The following PEX14 variants were observed in gnomAD, a reference collection of about 807,000 sequenced individuals.
PEX14 encodes the protein peroxisomal membrane protein PEX14.
Under a neutral mutation model 49.5 loss-of-function variants are expected in PEX14, and 15 were observed. That is an observed-to-expected ratio of 0.30 (90% CI 0.20 to 0.47). PEX14 has a LOEUF of 0.47. PEX14 is among the 20% of genes least tolerant of loss of function. PEX14 has a pLI of 1.00. For synonymous variants in PEX14, 210 were observed against 212.7 expected, an observed-to-expected ratio of 0.99 and a Z score of 0.11; for missense variants, 398 against 494.8, an observed-to-expected ratio of 0.80 and a Z score of 1.86.
At chr1:10,563,923 A>AC (rs1404395623) in intron 3 of PEX14, among the ~76,000 whole-genome samples, 1 of 151,728 alleles carries the variant, frequency 6.6e-6, no homozygotes, top group Non-Finnish European at 1.5e-5. Context: ...AAAAGAAAAA[A>AC]AAAAAGTTAT....
chr1:10,496,245 T>C (rs1641558237), intron 2 of PEX14, among the ~76,000 whole-genome samples: 1 of 152,224 alleles, frequency 6.6e-6, no homozygotes, highest in Admixed American at 6.5e-5. Context: ...GCCGAGGTGA[T>C]ACAAGCACTG....
chr1:10,560,567 C>T (rs1398715436), intron 3 of PEX14, among the ~76,000 whole-genome samples: 4 of 151,752 alleles, frequency 2.6e-5, no homozygotes, highest in Admixed American at 6.6e-5. Flanking sequence ...GATGGGGTTT[C>T]GCCATGTTGC....
At position 10,629,701 on chromosome 1, in the gene PEX14, C is replaced by T; in HGVS notation, c.848C>T (p.Pro283Leu). 15 of 1,611,552 alleles carry T rather than the reference C, an allele frequency of 9.3e-6. No homozygotes were observed. The highest frequency in any genetic ancestry group is 1.3e-5 in the Non-Finnish European group (15 of 1,178,974). Residue 283 changes from proline to leucine, a missense_variant, in exon 9 of 9, where the codon CCC becomes CTC. Transcript: ENST00000356607. This position sits in a 1 kb window ranked among gnomAD's most constrained non-coding sequence, Gnocchi z 8.5. ...TCGCCTGGGAAGGAGGGCCACAGCC[C>T]CGAGGGCTCCACGGTCACCTACCAC... is the stretch of plus-strand genomic sequence containing the variant. ...SSSPGKEGHS[P>L]EGSTVTYHLL...
intron 3 of PEX14, among the ~76,000 whole-genome samples, chr1:10,575,099 A>G (rs1046251564): frequency 7.2e-5 from 11 of 152,112 alleles, no homozygotes; most frequent in African/African-American, 2.7e-4. Flanking sequence ...AAGAAAAGAA[A>G]AAAAGGAAAC....
Position 10,627,280 on chromosome 1 carries a change from A to C in PEX14, c.594A>C (p.Thr198=). 6.2e-7 allele frequency: 1 copy of C among 1,613,228 alleles called. No homozygotes were observed. The highest frequency in any genetic ancestry group is 8.5e-7 in the Non-Finnish European group (1 of 1,179,378). Residue 198 remains threonine, a synonymous_variant, in exon 8 of 9, where the codon ACA becomes ACC. Transcript: ENST00000356607. ...CTGTGCTCTGCTTTCAGGCCACCAC[A>C]TCCACCAACTGGATCCTGGAGTCCC... ...AHELAAAKAT[T]STNWILESQN... is the part of the protein sequence containing the mutation.
rs571803397 is a variant in PEX14 at position 10,513,925 on chromosome 1, T to C, written c.84+18604T>C. The stretch of plus-strand genomic sequence containing the variant: ...CTCCCAGGCAGGATATTAATGCTAA[T>C]TCATCCGCTCACCCCCTGCTGTGAG... On this transcript the variant is annotated intron_variant, in intron 2 of 8. Coordinates refer to ENST00000356607, the MANE Select transcript of PEX14 (RefSeq NM_004565.3). Among the ~76,000 whole-genome samples, 14 of 152,342 alleles carry C rather than the reference T, an allele frequency of 9.2e-5. No individual in the cohort carries two copies. In the East Asian group the frequency reaches 1.5e-3, roughly 17 times the overall value.
chr1:10,521,618 C>T (rs890548162), intron 2 of PEX14, among the ~76,000 whole-genome samples: 1 of 152,282 alleles, frequency 6.6e-6, no homozygotes, highest in South Asian at 2.1e-4. Flanking sequence ...GTAAGTAGCT[C>T]TGAAAGTTAC....
At chr1:10,517,499 T>C (rs1302378618) in intron 2 of PEX14, among the ~76,000 whole-genome samples, 2 of 152,030 alleles carry the variant, frequency 1.3e-5, no homozygotes, top group Non-Finnish European at 2.9e-5. Context: ...GAAATCTGAA[T>C]TTTAAGAGGT....
chr1:10,542,178 C>G (rs963243350), intron 3 of PEX14, among the ~76,000 whole-genome samples: 45 of 152,124 alleles, frequency 3.0e-4, no homozygotes, highest in Non-Finnish European at 5.9e-4. Flanking sequence ...AATAAGTCTT[C>G]TCTTCTCATT....
intron 2 of PEX14, chr1:10,528,160 C>A: frequency 5.7e-6 from 1 of 176,220 alleles, no homozygotes. Flanking sequence ...GTCACCTATT[C>A]AGTAGCTGAC....
chr1:10,622,625 C>T (rs2124638809), intron 5 of PEX14, among the ~76,000 whole-genome samples: 1 of 152,348 alleles, frequency 6.6e-6, no homozygotes, highest in South Asian at 2.1e-4. Flanking sequence ...CCCTCGCCTC[C>T]TGGAGGCTCC....
At position 10,625,185 on chromosome 1, in the gene PEX14, G is replaced by A. The variant is rs80332648; in HGVS notation, c.585+748G>A. Among the ~76,000 whole-genome samples the A allele has an allele frequency of 8.5e-3, 1,298 of 152,298 alleles. 19 individuals are homozygous for A. Among genetic ancestry groups the A allele is most frequent in the African/African-American group, 0.03 (1,236 of 41,556 alleles). On this transcript the variant is annotated intron_variant, in intron 7 of 8. Transcript: ENST00000356607. ...GAGGGTGCCTGGCTCCAGCCAGCTC[G>A]CAGGATTGCAGGCCTAGGTTCTGTG...
In PEX14 at chr1:10,536,205, C is replaced by T. The variant is rs778964302; in HGVS notation, c.85-8C>T. 3.8e-6 allele frequency: 6 copies of T among 1,583,830 alleles called. No individual in the cohort carries two copies. The African/African-American group carries it at 6.7e-5, about 18-fold the overall frequency. ...AAGTTTACTCCTCTATTTTCTCTCTCTCACCAGATTGCCACGGCAGTGAAG... is the reference window on the plus strand; with the variant it reads ...AAGTTTACTCCTCTATTTTCTCTCTTTCACCAGATTGCCACGGCAGTGAAG... On this transcript the variant is annotated splice_region_variant and splice_polypyrimidine_tract_variant and intron_variant, in intron 2 of 8. Transcript: ENST00000356607.
chr1:10,505,818 T>C (rs1343540051), intron 2 of PEX14, among the ~76,000 whole-genome samples: 1 of 151,888 alleles, frequency 6.6e-6, no homozygotes, highest in African/African-American at 2.4e-5. Context: ...GTAGCTGGGA[T>C]CACAGGTGTG....
In PEX14 at chr1:10,602,472, CCTGA is replaced by C. The variant is rs1396584171; in HGVS notation, c.298+3111_298+3114del. On this transcript the variant is annotated intron_variant, in intron 4 of 8. Coordinates refer to ENST00000356607, the MANE Select transcript of PEX14 (RefSeq NM_004565.3). ...ATTAATATAGAGAAACAAGACTTTG[CCTGA>C]CTGATAATAAAACTGATAAATGACA... 2.0e-5 allele frequency among the ~76,000 whole-genome samples: 3 copies of C among 151,668 alleles called. No individual in the cohort carries two copies. The East Asian group carries it at 5.8e-4, about 29-fold the overall frequency.
intron 1 of PEX14, among the ~76,000 whole-genome samples, chr1:10,490,541 C>T (rs537183146): frequency 1.2e-4 from 18 of 152,080 alleles, no homozygotes; most frequent in Non-Finnish European, 2.9e-5. Context: ...TCTCTGCCGC[C>T]GTAGTCTTTG....
chr1:10,574,707 GA>G (rs1640071859), intron 3 of PEX14, among the ~76,000 whole-genome samples: 1 of 152,008 alleles, frequency 6.6e-6, no homozygotes, highest in African/African-American at 2.4e-5. Flanking sequence ...GAAACCTGAA[GA>G]AAAAAAGGCC....
chr1:10,578,169 A>G (rs900692598), intron 3 of PEX14, among the ~76,000 whole-genome samples: 10 of 152,258 alleles, frequency 6.6e-5, no homozygotes, highest in Admixed American at 2.0e-4. Context: ...CACCCCTCAC[A>G]TGCTAGACTA....
intron 3 of PEX14, 128 bp from the exon 4 acceptor site, chr1:10,599,110 C>G: frequency 3.3e-6 from 3 of 911,570 alleles, no homozygotes; most frequent in Middle Eastern, 2.3e-4. Context: ...AATCTGAAAT[C>G]GGGGAGGCAA....
Sources: allele counts gnomAD v4.1 joint callset (sites outside exome capture counted in the v4.1 genomes callset), GRCh38; gene constraint gnomAD v4.1.1; non-coding constraint Gnocchi (gnomAD v3.1); transcripts MANE v1.5; gene names NCBI Gene and HGNC (gene_info 2026-07-23, HGNC 2026-07-21).